HS3ST2: variants seen among roughly 807,000 people sequenced by gnomAD.
HS3ST2 encodes the protein heparan sulfate-glucosamine 3-sulfotransferase 2.
HS3ST2 carries 17 observed loss-of-function variants against 26.3 expected under a neutral mutation model. That is an observed-to-expected ratio of 0.65 (90% CI 0.44 to 0.97). The LOEUF (loss-of-function observed/expected upper bound fraction) is 0.97, where lower values mean the gene tolerates loss of function less well. Among genes scored for constraint, HS3ST2 ranks in the 50% least tolerant of loss-of-function variants. The probability of loss-of-function intolerance (pLI) is 0.00; values close to 1 mark genes in which losing one functional copy is unlikely to be tolerated. For missense variants in HS3ST2, 402 were observed against 501.2 expected (o/e 0.80, Z 1.89); for synonymous variants, 237 against 219.2 (o/e 1.08, Z -0.72).
At chr16:22,905,276 T>C (rs989815704) in intron 1 of HS3ST2, among the ~76,000 whole-genome samples, 10 of 152,204 alleles carry the variant, frequency 6.6e-5, no homozygotes, top group African/African-American at 2.4e-4. Flanking sequence ...TCCCACTTGC[T>C]TGCATGTGCA....
In HS3ST2 at chr16:22,814,572, C is replaced by T. The variant is rs1311106176; in HGVS notation, c.-39C>T. Reference sequence around the variant, plus strand: ...CACAGCAGCTCAGCCGCCGGTGCCCCCTCGGAAACCATGACCCCCGGCGCG... The same window carrying T: ...CACAGCAGCTCAGCCGCCGGTGCCCTCTCGGAAACCATGACCCCCGGCGCG... On this transcript the variant is annotated 5_prime_UTR_variant, in exon 1 of 2. Transcript: ENST00000261374. The T allele has an allele frequency of 2.0e-6, 3 of 1,479,966 alleles. No homozygotes were observed. The highest frequency in any genetic ancestry group is 5.2e-5 in the East Asian group (2 of 38,124). The allele number at this position is 1,479,966 out of a possible 1,614,324, so 91.7% of individuals were successfully genotyped here.
At chr16:22,854,015 T>C (rs1901554866) in intron 1 of HS3ST2, among the ~76,000 whole-genome samples, 1 of 152,218 alleles carries the variant, frequency 6.6e-6, no homozygotes, top group Non-Finnish European at 1.5e-5. Flanking sequence ...GTGGTCTCAC[T>C]ATTGTATTTT....
At chr16:22,838,024 G>GA (rs112311159) in intron 1 of HS3ST2, among the ~76,000 whole-genome samples, 6,533 of 150,462 alleles carry the variant, frequency 0.043, 441 homozygotes, top group African/African-American at 0.15. Context: ...CTATGTAAGT[G>GA]AAAAAAAAAG....
chr16:22,820,176 C>CG (rs1900969476), intron 1 of HS3ST2, among the ~76,000 whole-genome samples: 1 of 152,190 alleles, frequency 6.6e-6, no homozygotes, highest in Admixed American at 6.5e-5. Context: ...TAAACCCCCC[C>CG]CCATTTGTCT....
intron 1 of HS3ST2, among the ~76,000 whole-genome samples, chr16:22,900,940 G>C (rs1902275093): frequency 6.6e-6 from 1 of 152,194 alleles, no homozygotes; most frequent in Admixed American, 6.5e-5. Context: ...AAGAAAAGGA[G>C]ATATACAGGA....
intron 1 of HS3ST2, among the ~76,000 whole-genome samples, chr16:22,827,808 C>T (rs1238868849): frequency 5.3e-5 from 8 of 149,868 alleles, no homozygotes; most frequent in Non-Finnish European, 1.2e-4. Flanking sequence ...ACCCTCCAGG[C>T]TCAAGCAATC....
intron 1 of HS3ST2, among the ~76,000 whole-genome samples, chr16:22,904,370 A>G (rs1472459483): frequency 6.6e-6 from 1 of 152,168 alleles, no homozygotes; most frequent in Non-Finnish European, 1.5e-5. Flanking sequence ...AGGACTAGAC[A>G]CTGTCAATAT....
intron 1 of HS3ST2, among the ~76,000 whole-genome samples, chr16:22,846,293 T>C (rs1461109540): frequency 6.6e-6 from 1 of 151,594 alleles, no homozygotes; most frequent in African/African-American, 2.4e-5. Context: ...AAAAAAAGTA[T>C]ATATGTATAT....
chr16:22,893,877 G>A (rs566865516), intron 1 of HS3ST2, among the ~76,000 whole-genome samples: 4 of 151,876 alleles, frequency 2.6e-5, no homozygotes, highest in Non-Finnish European at 4.4e-5. Flanking sequence ...AGCCTCAACC[G>A]CCCAGGCTCA....
At chr16:22,875,427 C>T (rs1901902124) in intron 1 of HS3ST2, among the ~76,000 whole-genome samples, 2 of 152,050 alleles carry the variant, frequency 1.3e-5, no homozygotes, top group South Asian at 4.1e-4. Flanking sequence ...GTCGCCCAGG[C>T]TGGAGTGCAG....
rs113813797 is a variant in HS3ST2, at chr16:22,908,501, A to G, written c.486-6443A>G. ...GAAAATGAATTTATTTCTTACAGTTATTGAGGTTGAGAAGTCCAAGGTCAA... is the reference window on the plus strand; with the variant it reads ...GAAAATGAATTTATTTCTTACAGTTGTTGAGGTTGAGAAGTCCAAGGTCAA... On this transcript the variant is annotated intron_variant, in intron 1 of 1. Transcript: ENST00000261374. Among the ~76,000 whole-genome samples, 90 of 152,296 alleles carry G rather than the reference A, an allele frequency of 5.9e-4. No homozygotes were observed. In the Middle Eastern group the frequency reaches 0.01, roughly 17 times the overall value.
Position 22,829,235 on chromosome 16 carries a change from T to C in HS3ST2, c.485+14140T>C, listed in dbSNP as rs1901134720. On this transcript the variant is annotated intron_variant, in intron 1 of 1. Coordinates refer to ENST00000261374, the MANE Select transcript of HS3ST2 (RefSeq NM_006043.2). ...TATCCCATGGAGAAGCAGTTGGAAG[T>C]AGTGACGGCATCACAAACTCAACAT... Among the ~76,000 whole-genome samples the C allele has an allele frequency of 2.0e-5, 3 of 152,180 alleles. No individual in the cohort carries two copies. The South Asian group carries it at 6.2e-4, about 31-fold the overall frequency.
At chr16:22,858,028 C>T (rs915586096) in intron 1 of HS3ST2, among the ~76,000 whole-genome samples, 4 of 151,916 alleles carry the variant, frequency 2.6e-5, no homozygotes, top group South Asian at 2.1e-4. Flanking sequence ...GTGTGCCAGC[C>T]GCCGTGCTAG....
At chr16:22,861,062 A>T (rs930132487) in intron 1 of HS3ST2, among the ~76,000 whole-genome samples, 1 of 151,930 alleles carries the variant, frequency 6.6e-6, no homozygotes, top group African/African-American at 2.4e-5. Context: ...TTTTTTGTAG[A>T]TATAGGGCCT....
At chr16:22,885,605 G>A (rs1217988254) in intron 1 of HS3ST2, among the ~76,000 whole-genome samples, 1 of 151,812 alleles carries the variant, frequency 6.6e-6, no homozygotes, top group Non-Finnish European at 1.5e-5. Context: ...ACAGGCGTGC[G>A]CCACCACGCC....
At chr16:22,903,291 G>A (rs1175981604) in intron 1 of HS3ST2, among the ~76,000 whole-genome samples, 1 of 152,202 alleles carries the variant, frequency 6.6e-6, no homozygotes, top group East Asian at 1.9e-4. Context: ...CTACTTTGTA[G>A]GGTTATTGTG....
At chr16:22,866,898 A>G (rs1901765724) in intron 1 of HS3ST2, among the ~76,000 whole-genome samples, 1 of 152,194 alleles carries the variant, frequency 6.6e-6, no homozygotes, top group Non-Finnish European at 1.5e-5. Context: ...CCTGGCATAT[A>G]CCTGGATGTT....
chr16:22,866,198 A>C (rs1901746743), intron 1 of HS3ST2, among the ~76,000 whole-genome samples: 1 of 147,836 alleles, frequency 6.8e-6, no homozygotes, highest in Middle Eastern at 3.3e-3. Context: ...AAGAGAAGTC[A>C]TTGTTTTGTG....
intron 1 of HS3ST2, among the ~76,000 whole-genome samples, chr16:22,873,739 C>A (rs971904505): frequency 6.6e-6 from 1 of 152,218 alleles, no homozygotes; most frequent in African/African-American, 2.4e-5. Flanking sequence ...AGTCCAGCAA[C>A]TCTACCGACT....
Sources: gnomAD v4.1 joint callset for allele counts (sites outside exome capture counted in the v4.1 genomes callset) on GRCh38, gnomAD v4.1.1 for gene constraint, MANE v1.5 for transcripts, NCBI Gene and HGNC (gene_info 2026-07-23, HGNC 2026-07-21) for gene names.